The following THSD7B variants were observed in gnomAD, a reference collection of about 807,000 sequenced individuals.
THSD7B encodes the protein thrombospondin type 1 domain containing 7B.
In THSD7B, 138 loss-of-function variants were observed where a neutral mutation model predicts 213.6. The ratio of observed to expected loss-of-function variants is 0.65; its 90% CI spans 0.56 to 0.74. THSD7B has a LOEUF of 0.74. THSD7B is among the 30% of genes least tolerant of loss of function. The probability of loss-of-function intolerance (pLI) is 0.00; values close to 1 mark genes in which losing one functional copy is unlikely to be tolerated. For missense variants in THSD7B, 1,931 were observed against 1,991.5 expected, an observed-to-expected ratio of 0.97 and a Z score of 0.58; for synonymous variants, 742 against 687.0, an observed-to-expected ratio of 1.08 and a Z score of -1.25.
chr2:137,512,410 G>C (rs1205092313), intron 15 of THSD7B, among the ~76,000 whole-genome samples: 40 of 22,058 alleles, frequency 1.8e-3, no homozygotes, highest in African/African-American at 0.014. Flanking sequence ...TTTTTTTTTT[G>C]AGACAAGGTC....
chr2:137,595,010 T>A (rs1681932887), intron 17 of THSD7B, among the ~76,000 whole-genome samples: 1 of 152,012 alleles, frequency 6.6e-6, no homozygotes, highest in African/African-American at 2.4e-5. Flanking sequence ...CATTTTTGGT[T>A]GCAACTGTAC....
At chr2:137,404,222 A>G (rs868364618) in intron 12 of THSD7B, among the ~76,000 whole-genome samples, 1 of 151,652 alleles carries the variant, frequency 6.6e-6, no homozygotes, top group East Asian at 1.9e-4. Flanking sequence ...GAAAAGCTAT[A>G]AAGAACTAAA....
In THSD7B at chr2:137,251,278, G is replaced by C. The variant is rs1054935659; in HGVS notation, c.2266+8706G>C. On this transcript the variant is annotated intron_variant, in intron 10 of 27. Coordinates refer to ENST00000409968, the MANE Select transcript of THSD7B (RefSeq NM_001316349.2). ...TTGGCCACAGAGTGTGTGAGACTTA[G>C]AGCATCAGATTTGTCTCTGTTTTCC... 2.6e-5 allele frequency among the ~76,000 whole-genome samples: 4 copies of C among 152,140 alleles called. No individual in the cohort carries two copies. The East Asian group carries it at 5.8e-4, about 22-fold the overall frequency.
intron 17 of THSD7B, among the ~76,000 whole-genome samples, chr2:137,582,062 C>A (rs912310795): frequency 1.3e-5 from 2 of 151,808 alleles, no homozygotes; most frequent in Non-Finnish European, 2.9e-5. Flanking sequence ...GCTAAGATGG[C>A]GCCACTGCAC....
intron 1 of THSD7B, among the ~76,000 whole-genome samples, chr2:136,779,202 G>A (rs1426219552): frequency 2.4e-5 from 2 of 84,494 alleles, no homozygotes; most frequent in African/African-American, 2.1e-4. Context: ...ATATATATGT[G>A]TGTGTGTGTG....
chr2:137,663,347 C>T, intron 25 of THSD7B, 36 bp from the exon 26 acceptor site: 3 of 1,459,758 alleles, frequency 2.1e-6, no homozygotes, highest in African/African-American at 1.4e-5. Context: ...CTGTTCAACT[C>T]ACTGTGTAAC....
chr2:137,331,020 G>C (rs1234665837), intron 12 of THSD7B, among the ~76,000 whole-genome samples: 1 of 152,194 alleles, frequency 6.6e-6, no homozygotes, highest in Non-Finnish European at 1.5e-5. Context: ...AGAGCAGCTA[G>C]ATACAGAGTG....
At chr2:136,889,440 A>T (rs1442560944) in intron 2 of THSD7B, among the ~76,000 whole-genome samples, 1 of 152,162 alleles carries the variant, frequency 6.6e-6, no homozygotes, top group African/African-American at 2.4e-5. Context: ...TGTCTCCTAG[A>T]TCTACTCCTC....
At chr2:137,656,376 G>A (rs537962465) in intron 22 of THSD7B, among the ~76,000 whole-genome samples, 8 of 151,948 alleles carry the variant, frequency 5.3e-5, no homozygotes, top group African/African-American at 1.9e-4. Context: ...AACATTCTTT[G>A]GTCCAAAAGA....
chr2:137,393,922 C>G (rs1232801358), intron 12 of THSD7B, among the ~76,000 whole-genome samples: 1 of 139,518 alleles, frequency 7.2e-6, no homozygotes, highest in Non-Finnish European at 1.6e-5. Flanking sequence ...TGATGATGAG[C>G]ATTTTTTCAT....
intron 2 of THSD7B, among the ~76,000 whole-genome samples, chr2:136,886,748 C>T (rs1444723213): frequency 6.6e-6 from 1 of 152,140 alleles, no homozygotes; most frequent in African/African-American, 2.4e-5. Flanking sequence ...CCCTGAACAA[C>T]TGGAAGAGTG....
rs554865710 is a variant in THSD7B, at chr2:136,980,048, G to T, written c.140-76372G>T. ...TTAGGGCTGCTGTGCTTTGCTGGGG[G>T]TTCACTCCATACCCTATTCACCTGG... On this transcript the variant is annotated intron_variant, in intron 2 of 27. Transcript: ENST00000409968. 6.6e-4 allele frequency among the ~76,000 whole-genome samples: 100 copies of T among 152,082 alleles called. 2 individuals are homozygous for T. Among genetic ancestry groups the T allele is most frequent in the African/African-American group, 1.8e-3 (75 of 41,480 alleles).
intron 11 of THSD7B, among the ~76,000 whole-genome samples, chr2:137,274,257 A>G (rs918563726): frequency 2.6e-5 from 4 of 152,084 alleles, no homozygotes; most frequent in Non-Finnish European, 4.4e-5. Flanking sequence ...TATGTTAGGG[A>G]GGAAGTTGTC....
intron 1 of THSD7B, among the ~76,000 whole-genome samples, chr2:136,810,666 C>T (rs2104929723): frequency 6.6e-6 from 1 of 152,296 alleles, no homozygotes; most frequent in African/African-American, 2.4e-5. Context: ...ATGGGCTCTG[C>T]ACATGAAAGT....
chr2:136,872,821 A>AG (rs1012019359), intron 1 of THSD7B, among the ~76,000 whole-genome samples: 5 of 143,178 alleles, frequency 3.5e-5, no homozygotes, highest in Non-Finnish European at 7.6e-5. Context: ...ATACAAAAAA[A>AG]AAAAAAAAAA....
chr2:137,127,985 A>G (rs931562502), intron 5 of THSD7B, among the ~76,000 whole-genome samples: 2 of 152,150 alleles, frequency 1.3e-5, no homozygotes, highest in Non-Finnish European at 2.9e-5. Context: ...ATTAAACACA[A>G]TAAATATAGG....
At chr2:137,177,806 C>T (rs570709471) in intron 7 of THSD7B, among the ~76,000 whole-genome samples, 1 of 152,066 alleles carries the variant, frequency 6.6e-6, no homozygotes, top group African/African-American at 2.4e-5. Context: ...CACAGTGGCT[C>T]ACACCTGTAA....
At chr2:137,424,004 A>G (rs1443634862) in intron 14 of THSD7B, among the ~76,000 whole-genome samples, 1 of 152,124 alleles carries the variant, frequency 6.6e-6, no homozygotes, top group African/African-American at 2.4e-5. Flanking sequence ...TCATAAATAA[A>G]CCCTTACATT....
intron 7 of THSD7B, among the ~76,000 whole-genome samples, chr2:137,228,676 C>T (rs1487479286): frequency 6.6e-6 from 1 of 152,150 alleles, no homozygotes. Flanking sequence ...GTTCTCAGCC[C>T]TTTTATTTCC....
Sources: allele counts gnomAD v4.1 joint callset (sites outside exome capture counted in the v4.1 genomes callset), GRCh38; gene constraint gnomAD v4.1.1; transcripts MANE v1.5; gene names NCBI Gene and HGNC (gene_info 2026-07-23, HGNC 2026-07-21).